SQSTM1: variants seen among roughly 807,000 people sequenced by gnomAD.
SQSTM1 encodes sequestosome 1.
SQSTM1 carries 36 observed loss-of-function variants against 45.1 expected under a neutral mutation model. The ratio of observed to expected loss-of-function variants is 0.80; its 90% confidence interval spans 0.61 to 1.05. SQSTM1 has a LOEUF of 1.05. Among genes scored for constraint, SQSTM1 ranks in the 50% least tolerant of loss-of-function variants. The probability of loss-of-function intolerance (pLI) is 0.00; values close to 1 mark genes in which losing one functional copy is unlikely to be tolerated. For missense variants in SQSTM1, 617 were observed against 607.1 expected (o/e 1.02, Z -0.17); for synonymous variants, 290 against 244.3 (o/e 1.19, Z -1.74).
At chr5:179,822,914 T>C (rs1265699710) in intron 1 of SQSTM1, 44 bp from the exon 2 acceptor site, 2 of 1,569,216 alleles carry the variant, frequency 1.3e-6, no homozygotes, top group South Asian at 1.1e-5. Flanking sequence ...TATGTCCAGC[T>C]GAGAACCCCT....
chr5:179,821,170 G>T, intron 1 of SQSTM1, 29 bp downstream of exon 1: 1 of 1,325,328 alleles, frequency 7.5e-7, no homozygotes, highest in East Asian at 3.2e-5. Flanking sequence ...GGCGGGGGCG[G>T]TGACGCAGGC....
At chr5:179,821,394 G>A (rs893480536) in intron 1 of SQSTM1, among the ~76,000 whole-genome samples, 18 of 152,146 alleles carry the variant, frequency 1.2e-4, no homozygotes, top group Non-Finnish European at 2.4e-4. Context: ...AGCCCTGCCG[G>A]CCGGGGGCTC....
intron 7 of SQSTM1, chr5:179,835,410 G>A (rs1322703948): frequency 1.3e-5 from 2 of 157,658 alleles, no homozygotes; most frequent in Non-Finnish European, 2.8e-5. Context: ...AGCACTGAGT[G>A]AACCAGACTC....
chr5:179,830,841 C>T (rs1248891015), intron 5 of SQSTM1, among the ~76,000 whole-genome samples: 1 of 152,040 alleles, frequency 6.6e-6, no homozygotes. Flanking sequence ...CAGGCATGAG[C>T]CACTGTGCCC....
chr5:179,814,959 A>C (rs2113467180), upstream of SQSTM1, among the ~76,000 whole-genome samples: 1 of 152,342 alleles, frequency 6.6e-6, no homozygotes, highest in East Asian at 1.9e-4. Context: ...CTAGCATAAA[A>C]GATGTGCTAC....
intron 1 of SQSTM1, chr5:179,822,560 G>A (rs1420471963): frequency 1.5e-5 from 5 of 327,228 alleles, no homozygotes; most frequent in South Asian, 1.2e-4. Context: ...GGCCTTTGTG[G>A]GGCTGGGCCC....
chr5:179,832,119 A>G (rs531512040), intron 5 of SQSTM1, among the ~76,000 whole-genome samples: 1 of 152,238 alleles, frequency 6.6e-6, no homozygotes, highest in South Asian at 2.1e-4. Context: ...TGCGTCTTGG[A>G]AAGGGTAGTG....
chr5:179,811,089 C>A (rs553636961), intron 1 of SQSTM1, among the ~76,000 whole-genome samples: 1 of 151,922 alleles, frequency 6.6e-6, no homozygotes, highest in Non-Finnish European at 1.5e-5. Context: ...AAAAATTAGC[C>A]GGGAGTGGTG....
At chr5:179,808,391 T>C (rs967591608) in intron 1 of SQSTM1, 1 of 152,262 alleles carries the variant, frequency 6.6e-6, no homozygotes, top group South Asian at 2.1e-4. Flanking sequence ...CTGGGACTTA[T>C]AGGAGCCTTC....
At chr5:179,808,266 T>C (rs1757271859) in intron 1 of SQSTM1, 1 of 152,196 alleles carries the variant, frequency 6.6e-6, no homozygotes, top group African/African-American at 2.4e-5. Flanking sequence ...GACAGAGAGA[T>C]TGATGCCAAG....
rs983266233 is a variant in SQSTM1 at position 179,837,416 on chromosome 5, C to T, written c.*823C>T. On this transcript the variant is annotated 3_prime_UTR_variant, in exon 8 of 8. Transcript: ENST00000389805. ...TCACACATCATCATCGAAGTCTTCC[C>T]CAGTTATAAAGAGGTCACATAGTCG... 6.3e-7 allele frequency: 1 copy of T among 1,597,130 alleles called. No homozygotes were observed. The highest frequency in any genetic ancestry group is 2.2e-5 in the East Asian group (1 of 44,652).
intron 5 of SQSTM1, among the ~76,000 whole-genome samples, chr5:179,831,528 G>C (rs1030360565): frequency 6.6e-6 from 1 of 152,030 alleles, no homozygotes; most frequent in African/African-American, 2.4e-5. Flanking sequence ...TGGGCGTGGT[G>C]GCACGTGCCT....
intron 1 of SQSTM1, chr5:179,808,183 G>A (rs925064226): frequency 3.3e-5 from 5 of 152,334 alleles, no homozygotes; most frequent in Non-Finnish European, 7.3e-5. Context: ...GAGATTGAAT[G>A]CGGCTTTGTC....
At chr5:179,817,705 A>C (rs1757626272), upstream of SQSTM1, among the ~76,000 whole-genome samples, 2 of 152,056 alleles carry the variant, frequency 1.3e-5, no homozygotes, top group Admixed American at 1.3e-4. Context: ...GCTTGTCTGA[A>C]AGGGCTAAAA....
At chr5:179,825,036 G>T in intron 4 of SQSTM1, 110 bp from the exon 5 acceptor site, 1 of 1,077,332 alleles carries the variant, frequency 9.3e-7, no homozygotes, top group East Asian at 2.5e-5. Flanking sequence ...CAAGATGTCC[G>T]GGTTAAAGGT....
chr5:179,834,459 A>G (rs889810116), intron 7 of SQSTM1, among the ~76,000 whole-genome samples: 4 of 151,446 alleles, frequency 2.6e-5, no homozygotes, highest in Non-Finnish European at 5.9e-5. Flanking sequence ...TGTTTCTCGC[A>G]GAGGGGGATT....
chr5:179,810,516 T>A (rs1757365356), intron 1 of SQSTM1, among the ~76,000 whole-genome samples: 1 of 152,252 alleles, frequency 6.6e-6, no homozygotes, highest in African/African-American at 2.4e-5. Flanking sequence ...AGTCTATCAT[T>A]GATGGACATT....
chr5:179,820,904 G>T, upstream of SQSTM1: 2 of 1,482,976 alleles, frequency 1.3e-6, no homozygotes, highest in Non-Finnish European at 9.0e-7. Context: ...CTGCGACCGG[G>T]ACGGCCCGTT....
At chr5:179,818,283 G>GC (rs1456098184), upstream of SQSTM1, among the ~76,000 whole-genome samples, 4 of 152,072 alleles carry the variant, frequency 2.6e-5, no homozygotes, top group Admixed American at 1.3e-4. Context: ...AGGCCTGGAG[G>GC]CCCCCGCACA....
Sources: allele counts gnomAD v4.1 joint callset (sites outside exome capture counted in the v4.1 genomes callset), GRCh38; gene constraint gnomAD v4.1.1; transcripts MANE v1.5; gene names NCBI Gene and HGNC (gene_info 2026-07-23, HGNC 2026-07-21).